Variants in DLG2 observed in about 807,000 individuals in gnomAD.
DLG2 encodes the protein discs large MAGUK scaffold protein 2, also known as disks large homolog 2.
DLG2 carries 45 observed loss-of-function variants against 132.5 expected under a neutral mutation model. That is an observed-to-expected ratio of 0.34 (90% CI 0.27 to 0.44). The LOEUF is 0.44. DLG2 is among the 20% of genes least tolerant of loss of function. The pLI is 1.00. For missense variants in DLG2, 1,045 were observed against 1,196.9 expected, an observed-to-expected ratio of 0.87 and a Z score of 1.87; for synonymous variants, 424 against 419.6, an observed-to-expected ratio of 1.01 and a Z score of -0.13.
chr11:84,044,684 C>A (rs1000737052), intron 11 of DLG2, among the ~76,000 whole-genome samples: 14 of 151,672 alleles, frequency 9.2e-5, no homozygotes, highest in African/African-American at 3.4e-4. Context: ...GGCTAGAGAA[C>A]ATTTATTTCC....
chr11:84,257,065 A>G (rs1156693986), intron 7 of DLG2, among the ~76,000 whole-genome samples: 3 of 152,172 alleles, frequency 2.0e-5, no homozygotes, highest in Non-Finnish European at 4.4e-5. Context: ...GACATCTAAC[A>G]TTAAGTACCG....
intron 6 of DLG2, among the ~76,000 whole-genome samples, chr11:84,900,321 AATT>A (rs2090729294): frequency 6.6e-6 from 1 of 152,082 alleles, no homozygotes; most frequent in African/African-American, 2.4e-5. Context: ...ATTCTTAGCA[AATT>A]AATTAGGTAA....
At chr11:85,613,241 G>C (rs967555802) in intron 2 of DLG2, among the ~76,000 whole-genome samples, 1 of 152,104 alleles carries the variant, frequency 6.6e-6, no homozygotes, top group Non-Finnish European at 1.5e-5. Flanking sequence ...AGGCCATCAA[G>C]CTACCGATGG....
At chr11:84,336,910 A>C (rs1474037479) in intron 7 of DLG2, among the ~76,000 whole-genome samples, 1 of 152,134 alleles carries the variant, frequency 6.6e-6, no homozygotes. Context: ...AACTCAATCC[A>C]AGGGGATGCC....
intron 6 of DLG2, among the ~76,000 whole-genome samples, chr11:84,960,595 C>T (rs937820627): frequency 6.6e-6 from 1 of 152,008 alleles, no homozygotes; most frequent in African/African-American, 2.4e-5. Flanking sequence ...ACCACCATGC[C>T]TGGCTAATTT....
chr11:84,329,762 T>C (rs1014923815), intron 7 of DLG2, among the ~76,000 whole-genome samples: 7 of 152,238 alleles, frequency 4.6e-5, no homozygotes, highest in African/African-American at 1.7e-4. Context: ...CATTGTTGCA[T>C]AAATATTTGA....
intron 19 of DLG2, among the ~76,000 whole-genome samples, chr11:83,616,860 G>C (rs2060898936): frequency 6.6e-6 from 1 of 152,114 alleles, no homozygotes. Context: ...TTTTAAAAAA[G>C]TTGGATATCC....
At chr11:83,829,674 T>G (rs1222428096) in intron 17 of DLG2, among the ~76,000 whole-genome samples, 4 of 152,220 alleles carry the variant, frequency 2.6e-5, no homozygotes. Context: ...AAGACTGTTC[T>G]TTTCTCTCAA....
chr11:85,052,957 A>G (rs1219053387), intron 6 of DLG2, among the ~76,000 whole-genome samples: 1 of 151,930 alleles, frequency 6.6e-6, no homozygotes, highest in African/African-American at 2.4e-5. Flanking sequence ...TTTATTTACT[A>G]CTCTATACGC....
At chr11:84,432,948 C>G (rs1404596882) in intron 7 of DLG2, among the ~76,000 whole-genome samples, 1 of 152,052 alleles carries the variant, frequency 6.6e-6, no homozygotes, top group Non-Finnish European at 1.5e-5. Context: ...TGCTTGAACC[C>G]AAGAGGCAGA....
intron 11 of DLG2, among the ~76,000 whole-genome samples, chr11:84,022,558 C>T (rs1238077203): frequency 6.6e-6 from 1 of 152,172 alleles, no homozygotes; most frequent in Non-Finnish European, 1.5e-5. Context: ...GGAAAAACCT[C>T]TTCTTCATTC....
At chr11:85,619,517 A>T (rs919843263) in intron 2 of DLG2, among the ~76,000 whole-genome samples, 9 of 152,126 alleles carry the variant, frequency 5.9e-5, no homozygotes, top group Non-Finnish European at 1.0e-4. Context: ...TTAAAAAAAA[A>T]ACTTGAAGTT....
At position 83,626,089 on chromosome 11, in the gene DLG2, A is replaced by C. The variant is rs532557443; in HGVS notation, c.1940+7122T>G. Among the ~76,000 whole-genome samples the C allele has an allele frequency of 5.9e-5, 9 of 152,334 alleles. No homozygotes were observed. In the East Asian group the frequency reaches 1.7e-3, roughly 29 times the overall value. On this transcript the variant is annotated intron_variant, in intron 19 of 27. Coordinates refer to ENST00000376104, the MANE Select transcript of DLG2 (RefSeq NM_001142699.3). The stretch of plus-strand genomic sequence containing the variant: ...ACATCAAGACATTACTGGGATTTGC[A>C]GGTCCAGTATTGAATAATACTGATT...
At chr11:85,021,778 G>T in intron 6 of DLG2, 1 of 537,216 alleles carries the variant, frequency 1.9e-6, no homozygotes, top group Non-Finnish European at 3.4e-6. Flanking sequence ...TCTACGTGGA[G>T]AACCTGACTG....
At chr11:84,163,918 A>G in intron 8 of DLG2, among the ~76,000 whole-genome samples, 1 of 152,214 alleles carries the variant, frequency 6.6e-6, no homozygotes, top group South Asian at 2.1e-4. Flanking sequence ...TGATAATGGC[A>G]GAACAACATT....
intron 6 of DLG2, among the ~76,000 whole-genome samples, chr11:84,608,548 G>T (rs1197969438): frequency 1.3e-5 from 2 of 152,146 alleles, no homozygotes; most frequent in Non-Finnish European, 2.9e-5. Context: ...AGGTGACCCA[G>T]TTATGGCTAA....
At chr11:84,957,180 T>G (rs914655257) in intron 6 of DLG2, among the ~76,000 whole-genome samples, 1 of 152,272 alleles carries the variant, frequency 6.6e-6, no homozygotes, top group East Asian at 1.9e-4. Flanking sequence ...CAAGATCACA[T>G]GGGACAGGAC....
intron 17 of DLG2, among the ~76,000 whole-genome samples, chr11:83,794,795 T>C (rs915126354): frequency 1.3e-5 from 2 of 152,160 alleles, no homozygotes; most frequent in Non-Finnish European, 2.9e-5. Context: ...ATGTAACTAA[T>C]ACTCCTGAGT....
chr11:84,571,380 C>T (rs879578618), intron 6 of DLG2, among the ~76,000 whole-genome samples: 3 of 151,938 alleles, frequency 2.0e-5, no homozygotes, highest in Non-Finnish European at 4.4e-5. Context: ...TCCTCCTCCT[C>T]CTCCTTTATC....
Sources: gnomAD v4.1 joint callset for allele counts (sites outside exome capture counted in the v4.1 genomes callset) on GRCh38, gnomAD v4.1.1 for gene constraint, MANE v1.5 for transcripts, NCBI Gene and HGNC (gene_info 2026-07-23, HGNC 2026-07-21) for gene names.